Variants in FAM234B observed in about 807,000 individuals in gnomAD.
The protein encoded by FAM234B is protein FAM234B.
FAM234B carries 33 observed loss-of-function variants against 69.3 expected under a neutral mutation model. The observed-to-expected ratio is 0.48, with a 90% CI of 0.36 to 0.64. The LOEUF is 0.64. FAM234B is among the 30% of genes least tolerant of loss of function. The pLI is 0.00. For missense variants in FAM234B, 697 were observed against 769.7 expected, an observed-to-expected ratio of 0.91 and a Z score of 1.12; for synonymous variants, 306 against 306.9, an observed-to-expected ratio of 1.00 and a Z score of 0.03.
chr12:13,055,501 G>T, intron 1 of FAM234B, 50 bp from the exon 2 acceptor site: 2 of 1,486,610 alleles, frequency 1.3e-6, no homozygotes, highest in Non-Finnish European at 9.0e-7. Context: ...ATTTGGTGAG[G>T]GTGTCTTCTC....
intron 1 of FAM234B, among the ~76,000 whole-genome samples, chr12:13,047,065 C>T (rs1864820925): frequency 6.6e-6 from 1 of 152,160 alleles, no homozygotes; most frequent in African/African-American, 2.4e-5. Flanking sequence ...CAGCAGTGTG[C>T]TCATTTATGA....
chr12:13,069,787 G>A (rs1409838419), intron 9 of FAM234B, among the ~76,000 whole-genome samples: 2 of 152,216 alleles, frequency 1.3e-5, no homozygotes, highest in East Asian at 3.8e-4. Flanking sequence ...GAATCTGGAG[G>A]AGGCGTTGGA....
intron 1 of FAM234B, among the ~76,000 whole-genome samples, chr12:13,048,322 G>C (rs1864834183): frequency 6.6e-6 from 1 of 152,112 alleles, no homozygotes; most frequent in Admixed American, 6.5e-5. Context: ...CCTTTGGCCT[G>C]GCTGCTTATA....
In FAM234B at chr12:13,066,671, G is replaced by C; in HGVS notation, c.884G>C (p.Arg295Pro). 6.2e-7 allele frequency: 1 copy of C among 1,613,618 alleles called. No individual in the cohort carries two copies. Among genetic ancestry groups the C allele is most frequent in the Non-Finnish European group, 8.5e-7 (1 of 1,179,726 alleles). Residue 295 changes from arginine to proline, a missense_variant, in exon 6 of 13, where the codon CGG becomes CCG. Physicochemically the swap from Arg to Pro is moderately radical, Grantham distance 103 (BLOSUM62 -2). This residue lies in a region of FAM234B where 380 missense variants were observed against 447.1 expected (regional missense o/e 0.85). Transcript: ENST00000197268. ...CTGTGCTTTCTGCTGGTGTCTGGCC[G>C]GACCGGAAATCCAGTGGGTCGACCT... is the stretch of plus-strand genomic sequence containing the variant. Reference protein sequence around the residue: ...PDLCFLLVSGRTGNPVGRPVK... With the variant: ...PDLCFLLVSGPTGNPVGRPVK...
chr12:13,053,739 C>T (rs1048698299), intron 1 of FAM234B, among the ~76,000 whole-genome samples: 12 of 152,226 alleles, frequency 7.9e-5, no homozygotes, highest in Admixed American at 1.3e-4. Flanking sequence ...AGCAGAGAAC[C>T]GGTCTGACCA....
At chr12:13,051,905 T>TA (rs1305117874) in intron 1 of FAM234B, among the ~76,000 whole-genome samples, 1 of 152,336 alleles carries the variant, frequency 6.6e-6, no homozygotes, top group East Asian at 1.9e-4. Context: ...AGACATATAT[T>TA]ATCTTATTTG....
Position 13,067,013 on chromosome 12 carries a change from TC to T in FAM234B, c.1001-138del, listed in dbSNP as rs1865046664. ...CTTGTCCAGCACCCACTTAATCACC[TC>T]CCCACTTGTTCCGTGTTGTCCAGTC... On this transcript the variant is annotated intron_variant, in intron 6 of 12. Transcript: ENST00000197268. This position sits in a 1 kb window ranked among gnomAD's most constrained non-coding sequence, Gnocchi z 4.7. The T allele has an allele frequency of 1.1e-5, 11 of 1,025,948 alleles. No homozygotes were observed. The Admixed American group carries it at 2.3e-4, about 21-fold the overall frequency. The allele number at this position is 1,025,948 out of a possible 1,614,324, so 63.6% of individuals were successfully genotyped here.
At position 13,055,816 on chromosome 12, in the gene FAM234B, T is replaced by C. The variant is rs1487304462; in HGVS notation, c.303T>C (p.Tyr101=). The change falls in exon 2 of 13, where the codon TAT becomes TAC. Residue 101 remains tyrosine, a synonymous_variant. Transcript: ENST00000197268. ...AGGCGGCCTCCTCCCTGGTGTCATATGTGCGCACGTCTGTCTTCCTGCTGA... is the reference window on the plus strand; with the variant it reads ...AGGCGGCCTCCTCCCTGGTGTCATACGTGCGCACGTCTGTCTTCCTGCTGA... ...EQKAASSLVS[Y]VRTSVFLLTL... 3 of 1,614,168 alleles carry C rather than the reference T, an allele frequency of 1.9e-6. No individual in the cohort carries two copies. The highest frequency in any genetic ancestry group is 2.5e-6 in the Non-Finnish European group (3 of 1,180,024).
intron 4 of FAM234B, chr12:13,062,092 A>T (rs976509586): frequency 5.2e-6 from 1 of 194,164 alleles, no homozygotes; most frequent in African/African-American, 2.3e-5. Context: ...TTTGGTATAC[A>T]TGGGGGCCAT....
Position 13,068,437 on chromosome 12 carries a change from GGCCTGC to G in FAM234B, c.1279_1284del (p.Leu427_Arg428del), listed in dbSNP as rs1565510637. ...ACCTTACTGGGCATTGAGACTTCAAGGCCTGCGCAGGTTTGCATTGTGTTCCTTCTT... is the reference window on the plus strand; with the variant it reads ...ACCTTACTGGGCATTGAGACTTCAAGGCAGGTTTGCATTGTGTTCCTTCTT... On this transcript the variant is annotated inframe_deletion, in exon 8 of 13. Coordinates refer to ENST00000197268, the MANE Select transcript of FAM234B (RefSeq NM_020853.2). 6.2e-7 allele frequency: 1 copy of G among 1,614,108 alleles called. No individual in the cohort carries two copies.
chr12:13,065,727 G>A (rs891080172), intron 5 of FAM234B, among the ~76,000 whole-genome samples: 27 of 152,212 alleles, frequency 1.8e-4, no homozygotes, highest in African/African-American at 6.5e-4. Flanking sequence ...TCTTTGATAA[G>A]AATGTTTAAT....
At chr12:13,045,799 G>T (rs1016527028) in intron 1 of FAM234B, among the ~76,000 whole-genome samples, 1 of 151,604 alleles carries the variant, frequency 6.6e-6, no homozygotes, top group African/African-American at 2.4e-5. Context: ...CTCCCAGAGG[G>T]GTAATAAGAT....
rs1223680677 is a variant in FAM234B, at chr12:13,082,027, C to G, written c.*1397C>G. On this transcript the variant is annotated 3_prime_UTR_variant, in exon 13 of 13. Coordinates refer to ENST00000197268, the MANE Select transcript of FAM234B (RefSeq NM_020853.2). ...AGGCTGGAGTGCAGTGGCACAATCT[C>G]GGCTCACTGCAACCTTCGCCTCCTG... 7.1e-6 allele frequency: 1 copy of G among 141,492 alleles called. No homozygotes were observed. Among genetic ancestry groups the G allele is most frequent in the Admixed American group, 7.7e-5 (1 of 13,042 alleles). 8.8% of individuals were successfully genotyped at this position (141,492 alleles called of 1,614,324 possible).
intron 2 of FAM234B, among the ~76,000 whole-genome samples, chr12:13,057,718 G>C (rs1318232307): frequency 6.6e-6 from 1 of 152,210 alleles, no homozygotes. Context: ...TTTGGGTGGT[G>C]GGGGGATGGA....
chr12:13,056,729 T>C (rs769058713), intron 2 of FAM234B, among the ~76,000 whole-genome samples: 2 of 152,302 alleles, frequency 1.3e-5, no homozygotes, highest in South Asian at 4.1e-4. Flanking sequence ...AGGTAACAAA[T>C]TGTTGGTGTG....
chr12:13,050,956 C>G (rs979718568), intron 1 of FAM234B, among the ~76,000 whole-genome samples: 1 of 152,194 alleles, frequency 6.6e-6, no homozygotes, highest in African/African-American at 2.4e-5. Flanking sequence ...TTTGCCTACT[C>G]TTACTGAGCT....
In FAM234B at chr12:13,067,670, A is replaced by G. The variant is rs1050162163; in HGVS notation, c.1142+374A>G. Among the ~76,000 whole-genome samples, 2 of 152,200 alleles carry G rather than the reference A, an allele frequency of 1.3e-5. No individual in the cohort carries two copies. The highest frequency in any genetic ancestry group is 2.9e-5 in the Non-Finnish European group (2 of 68,020). Reference sequence around the variant, plus strand: ...CTCTTAGTTGAAGCATCATTTTGACAGAAGCAAGGATAGTGTCCATGAAAT... The same window carrying G: ...CTCTTAGTTGAAGCATCATTTTGACGGAAGCAAGGATAGTGTCCATGAAAT... On this transcript the variant is annotated intron_variant, in intron 7 of 12. Transcript: ENST00000197268. The surrounding 1 kb of genome is among the most constrained non-coding windows in gnomAD (Gnocchi z 4.7).
At chr12:13,054,540 T>A (rs1172837332) in intron 1 of FAM234B, among the ~76,000 whole-genome samples, 1 of 152,238 alleles carries the variant, frequency 6.6e-6, no homozygotes, top group African/African-American at 2.4e-5. Context: ...TTAATAATTA[T>A]TCTTTTCCCC....
intron 1 of FAM234B, among the ~76,000 whole-genome samples, chr12:13,047,535 G>C (rs1258148651): frequency 6.6e-6 from 1 of 152,010 alleles, no homozygotes; most frequent in Non-Finnish European, 1.5e-5. Context: ...AAAACGTTTG[G>C]GTATGGTATA....
Sources: gnomAD v4.1 joint callset for allele counts (sites outside exome capture counted in the v4.1 genomes callset) on GRCh38, gnomAD v4.1.1 for gene constraint, gnomAD v4.1.1 regional missense constraint, Gnocchi (gnomAD v3.1) non-coding constraint, MANE v1.5 for transcripts, NCBI Gene and HGNC (gene_info 2026-07-23, HGNC 2026-07-21) for gene names.